The following LRRC4C variants were observed in gnomAD, a reference collection of about 807,000 sequenced individuals.
LRRC4C encodes leucine-rich repeat-containing protein 4C.
A neutral mutation model predicts 33.6 loss-of-function variants in LRRC4C; 5 were observed. The observed-to-expected ratio is 0.15, with a 90% CI of 0.08 to 0.31. The LOEUF is 0.31. Among genes scored for constraint, LRRC4C ranks in the 10% least tolerant of loss-of-function variants. The pLI is 1.00. For synonymous variants in LRRC4C, 329 were observed against 302.0 expected, an observed-to-expected ratio of 1.09 and a Z score of -0.93; for missense variants, 560 against 796.7, an observed-to-expected ratio of 0.70 and a Z score of 3.58.
At chr11:40,424,505 T>TA (rs1232996700) in intron 3 of LRRC4C, among the ~76,000 whole-genome samples, 2 of 152,152 alleles carry the variant, frequency 1.3e-5, no homozygotes, top group Admixed American at 6.5e-5. Context: ...AAAGAAATAG[T>TA]AAAAAAGTTT....
At chr11:40,989,788 G>A (rs548410026) in intron 1 of LRRC4C, among the ~76,000 whole-genome samples, 1 of 152,132 alleles carries the variant, frequency 6.6e-6, no homozygotes, top group South Asian at 2.1e-4. Context: ...AGCATTTAAT[G>A]TGTTTTAAAG....
chr11:41,404,239 C>T (rs1192278379), intron 1 of LRRC4C, among the ~76,000 whole-genome samples: 2 of 151,912 alleles, frequency 1.3e-5, no homozygotes, highest in Admixed American at 6.6e-5. Flanking sequence ...TGCCAATATT[C>T]CCAAGTTTCC....
intron 2 of LRRC4C, among the ~76,000 whole-genome samples, chr11:40,762,539 G>A (rs1949267233): frequency 6.6e-6 from 1 of 152,092 alleles, no homozygotes; most frequent in Admixed American, 6.6e-5. Context: ...GTACAACAGA[G>A]TTGCCACTGG....
chr11:41,233,253 C>T (rs577203669), intron 1 of LRRC4C, among the ~76,000 whole-genome samples: 26 of 152,042 alleles, frequency 1.7e-4, no homozygotes, highest in African/African-American at 6.0e-4. Flanking sequence ...GTGAAAATGG[C>T]ATCCTAGTGA....
intron 1 of LRRC4C, among the ~76,000 whole-genome samples, chr11:41,329,632 C>T (rs1021158975): frequency 4.6e-5 from 7 of 152,174 alleles, no homozygotes; most frequent in Admixed American, 2.0e-4. Context: ...TTACTCCTTG[C>T]GATTTCTTTT....
At chr11:41,100,352 G>C (rs1941092723) in intron 1 of LRRC4C, among the ~76,000 whole-genome samples, 3 of 152,010 alleles carry the variant, frequency 2.0e-5, no homozygotes, top group African/African-American at 7.2e-5. Flanking sequence ...TGGATCCTGA[G>C]GTCAGGAGTT....
intron 1 of LRRC4C, among the ~76,000 whole-genome samples, chr11:41,222,239 G>A (rs1387428164): frequency 1.3e-5 from 2 of 152,098 alleles, no homozygotes; most frequent in Non-Finnish European, 2.9e-5. Context: ...TGGGCACTCT[G>A]GCATCATACT....
intron 1 of LRRC4C, among the ~76,000 whole-genome samples, chr11:41,389,041 T>C (rs1490379205): frequency 1.3e-5 from 2 of 151,850 alleles, no homozygotes; most frequent in African/African-American, 2.4e-5. Context: ...TACGATGGCA[T>C]GGTATTTTAA....
intron 1 of LRRC4C, among the ~76,000 whole-genome samples, chr11:41,375,594 A>G (rs1270164095): frequency 1.3e-5 from 2 of 152,222 alleles, no homozygotes; most frequent in Non-Finnish European, 2.9e-5. Context: ...AACACTTTAC[A>G]TACATCTATC....
intron 1 of LRRC4C, among the ~76,000 whole-genome samples, chr11:41,068,564 C>T (rs1408717072): frequency 6.6e-6 from 1 of 152,018 alleles, no homozygotes; most frequent in African/African-American, 2.4e-5. Context: ...GAAATACAAA[C>T]TACTATCAGA....
intron 3 of LRRC4C, among the ~76,000 whole-genome samples, chr11:40,463,500 C>T (rs1049346338): frequency 7.2e-5 from 11 of 151,844 alleles, no homozygotes; most frequent in African/African-American, 2.4e-4. Flanking sequence ...ACAGAAATAT[C>T]GGAAATTTAT....
rs75688604 is a variant in LRRC4C at position 40,547,227 on chromosome 11, C to T, written c.-270+100915G>A. ...AACTGATGTTATTTTGTCACTGGCACCTTTATGAGCTTCATTTGCTGGGGA... is the reference window on the plus strand; with the variant it reads ...AACTGATGTTATTTTGTCACTGGCATCTTTATGAGCTTCATTTGCTGGGGA... On this transcript the variant is annotated intron_variant, in intron 3 of 6. Transcript: ENST00000528697. Among the ~76,000 whole-genome samples the T allele has an allele frequency of 6.9e-3, 1,048 of 152,128 alleles. 18 individuals carry two copies. The highest frequency in any genetic ancestry group is 0.023 in the African/African-American group (958 of 41,488).
intron 3 of LRRC4C, among the ~76,000 whole-genome samples, chr11:40,352,176 C>T (rs1417449515): frequency 1.5e-5 from 2 of 130,808 alleles, no homozygotes; most frequent in African/African-American, 5.7e-5. Flanking sequence ...CCCTTTCCTT[C>T]CTTTCCTTCC....
intron 2 of LRRC4C, among the ~76,000 whole-genome samples, chr11:40,648,496 CCT>C (rs757183698): frequency 6.6e-6 from 1 of 151,846 alleles, no homozygotes; most frequent in East Asian, 1.9e-4. Context: ...TACAGTTACA[CCT>C]AGTAGTAGAT....
At chr11:41,174,877 CAT>C (rs1332036640) in intron 1 of LRRC4C, among the ~76,000 whole-genome samples, 2 of 152,018 alleles carry the variant, frequency 1.3e-5, no homozygotes, top group East Asian at 3.8e-4. Flanking sequence ...ATTTTTCTTT[CAT>C]AGTCTTAATG....
chr11:41,424,848 T>A (rs1260459106), intron 1 of LRRC4C, among the ~76,000 whole-genome samples: 1 of 150,594 alleles, frequency 6.6e-6, no homozygotes, highest in East Asian at 1.9e-4. Context: ...TCTGAAGTAT[T>A]TTTTTTTGAA....
intron 1 of LRRC4C, among the ~76,000 whole-genome samples, chr11:41,133,209 C>T (rs1943094652): frequency 1.3e-5 from 2 of 152,090 alleles, no homozygotes; most frequent in Admixed American, 1.3e-4. Context: ...GAGATTAAGG[C>T]CATCTCCATG....
intron 2 of LRRC4C, among the ~76,000 whole-genome samples, chr11:40,795,898 G>T (rs1445824658): frequency 6.6e-6 from 1 of 152,144 alleles, no homozygotes; most frequent in Non-Finnish European, 1.5e-5. Flanking sequence ...CATGTAGGAG[G>T]AAGGCAGGAA....
intron 1 of LRRC4C, among the ~76,000 whole-genome samples, chr11:41,082,858 A>T (rs78907815): frequency 0.019 from 2,950 of 152,194 alleles, 104 homozygotes; most frequent in African/African-American, 0.068. Context: ...CTTGAACCAG[A>T]GGTCTCAAAA....
Sources: gnomAD v4.1 joint callset for allele counts (sites outside exome capture counted in the v4.1 genomes callset) on GRCh38, gnomAD v4.1.1 for gene constraint, MANE v1.5 for transcripts, NCBI Gene and HGNC (gene_info 2026-07-23, HGNC 2026-07-21) for gene names.